The following MTA3 variants were observed in gnomAD, a reference collection of about 807,000 sequenced individuals.
The protein encoded by MTA3 is metastasis associated 1 family member 3, also known as metastasis-associated protein MTA3.
In MTA3, 34 loss-of-function variants were observed where a neutral mutation model predicts 83.5. The ratio of observed to expected loss-of-function variants is 0.41; its 90% CI spans 0.31 to 0.54. The LOEUF is 0.54. Ranked by LOEUF, MTA3 falls within the 20% of genes least tolerant of loss-of-function variation. MTA3 has a pLI of 0.33. For missense variants in MTA3, 761 were observed against 726.4 expected, an observed-to-expected ratio of 1.05 and a Z score of -0.55; for synonymous variants, 303 against 252.7, an observed-to-expected ratio of 1.20 and a Z score of -1.89.
intron 4 of MTA3, among the ~76,000 whole-genome samples, chr2:42,623,265 C>A (rs187588792): frequency 6.6e-6 from 1 of 152,264 alleles, no homozygotes; most frequent in African/African-American, 2.4e-5. Flanking sequence ...TGCAGGTGGT[C>A]CAAGGAACTG....
chr2:42,713,537 C>T (rs529684781), intron 14 of MTA3, among the ~76,000 whole-genome samples: 1 of 152,104 alleles, frequency 6.6e-6, no homozygotes, highest in East Asian at 1.9e-4. Context: ...TCTAAAGGTA[C>T]AAAAGTGGTT....
At chr2:42,583,917 C>T (rs1021320217) in intron 3 of MTA3, among the ~76,000 whole-genome samples, 1 of 151,696 alleles carries the variant, frequency 6.6e-6, no homozygotes, top group Non-Finnish European at 1.5e-5. Flanking sequence ...GATCTCAGCT[C>T]AACGTAACCT....
At chr2:42,718,378 G>C (rs1002970617) in intron 14 of MTA3, among the ~76,000 whole-genome samples, 1 of 151,792 alleles carries the variant, frequency 6.6e-6, no homozygotes, top group Non-Finnish European at 1.5e-5. Flanking sequence ...CTCCCGAGTA[G>C]CTGGGATTAC....
chr2:42,529,987 A>C (rs1572931580), intron 2 of MTA3, among the ~76,000 whole-genome samples: 1 of 151,808 alleles, frequency 6.6e-6, no homozygotes, highest in African/African-American at 2.4e-5. Flanking sequence ...GGAGTTCGAG[A>C]CCAGCCTGGC....
In MTA3 at chr2:42,756,736, A is replaced by G. The variant is rs1396329841; in HGVS notation, c.*3337A>G. 2.0e-6 allele frequency: 2 copies of G among 985,270 alleles called. No individual in the cohort carries two copies. The allele number at this position is 985,270 out of a possible 1,614,324, so 61.0% of individuals were successfully genotyped here. A position where few individuals can be genotyped will look rare whatever the true frequency, so the allele number is the denominator to read the frequency against. ...ATTCCCCCCAGGAAGGCCATGTCCC[A>G]GTTTTCTGTCCACCCCTCCTGTTCC... On this transcript the variant is annotated 3_prime_UTR_variant, in exon 17 of 17. Transcript: ENST00000405094.
intron 2 of MTA3, among the ~76,000 whole-genome samples, chr2:42,563,316 G>A (rs546420282): frequency 9.2e-5 from 14 of 151,902 alleles, no homozygotes; most frequent in East Asian, 1.9e-4. Context: ...TTACAGGCGC[G>A]CGCCACCATG....
At chr2:42,561,301 C>G (rs6719081) in intron 2 of MTA3, among the ~76,000 whole-genome samples, 1,833 of 151,938 alleles carry the variant, frequency 0.012, 31 homozygotes, top group African/African-American at 0.041. Flanking sequence ...TCATTCTATA[C>G]TAGCATATCT....
intron 2 of MTA3, among the ~76,000 whole-genome samples, chr2:42,555,562 C>T (rs1677343310): frequency 6.8e-6 from 1 of 146,650 alleles, no homozygotes; most frequent in Non-Finnish European, 1.5e-5. Flanking sequence ...AGATCGAGAC[C>T]ATCCTGGCTA....
At chr2:42,576,638 C>T (rs1236252035) in intron 2 of MTA3, among the ~76,000 whole-genome samples, 5 of 152,102 alleles carry the variant, frequency 3.3e-5, no homozygotes, top group Non-Finnish European at 7.3e-5. Flanking sequence ...TGGTGGCTCA[C>T]GCCTGTAATC....
intron 12 of MTA3, 21 bp from the exon 13 acceptor site, chr2:42,707,882 C>A (rs576785551): frequency 6.7e-7 from 1 of 1,489,292 alleles, no homozygotes; most frequent in Non-Finnish European, 8.9e-7. Context: ...TTCGTTTTTT[C>A]TTATTTTTCT....
At chr2:42,495,838 A>G (rs897827457) in intron 2 of MTA3, among the ~76,000 whole-genome samples, 5 of 152,140 alleles carry the variant, frequency 3.3e-5, no homozygotes, top group Non-Finnish European at 7.4e-5. Flanking sequence ...GGGATCCCCA[A>G]CCCCGTGTCT....
intron 6 of MTA3, 77 bp from the exon 7 acceptor site, chr2:42,656,123 G>A (rs377149638): frequency 9.2e-7 from 1 of 1,083,880 alleles, no homozygotes; most frequent in Non-Finnish European, 1.4e-6. Flanking sequence ...CTAATGCTAT[G>A]GTGACAGTTG....
intron 1 of MTA3, chr2:42,569,453 C>G (rs1678221021): frequency 6.6e-6 from 1 of 152,012 alleles, no homozygotes; most frequent in Non-Finnish European, 1.5e-5. Context: ...CAAACTTTCT[C>G]CCTACTCACG....
chr2:42,623,477 G>T (rs993113340), intron 4 of MTA3, among the ~76,000 whole-genome samples: 4 of 152,160 alleles, frequency 2.6e-5, no homozygotes, highest in African/African-American at 9.7e-5. Context: ...CAGTCCTCTA[G>T]AGGCAGTGCT....
At chr2:42,750,879 G>C (rs1038415985) in intron 16 of MTA3, among the ~76,000 whole-genome samples, 1 of 152,218 alleles carries the variant, frequency 6.6e-6, no homozygotes, top group African/African-American at 2.4e-5. Flanking sequence ...TTGGGATCCA[G>C]CTGCTTCTCA....
chr2:42,667,450 CTA>C (rs1162649259), intron 8 of MTA3, among the ~76,000 whole-genome samples: 4 of 152,078 alleles, frequency 2.6e-5, no homozygotes, highest in African/African-American at 9.7e-5. Context: ...ACTTTTGTCT[CTA>C]TGAATTTGAC....
chr2:42,649,757 A>G (rs1339098230), intron 6 of MTA3, among the ~76,000 whole-genome samples: 2 of 152,216 alleles, frequency 1.3e-5, no homozygotes, highest in African/African-American at 4.8e-5. Context: ...TTTGAGTTAC[A>G]GATGAAGAGA....
chr2:42,534,332 C>G (rs932291055), intron 2 of MTA3, among the ~76,000 whole-genome samples: 1 of 152,190 alleles, frequency 6.6e-6, no homozygotes, highest in Non-Finnish European at 1.5e-5. Flanking sequence ...TGCCGTGGCT[C>G]AAGCCTATAA....
chr2:42,633,179 T>C (rs1041054982), intron 4 of MTA3, among the ~76,000 whole-genome samples: 9 of 151,250 alleles, frequency 6.0e-5, no homozygotes, highest in African/African-American at 2.2e-4. Context: ...AGGAGAATCG[T>C]TTGAACCTGG....
Sources: allele counts gnomAD v4.1 joint callset (sites outside exome capture counted in the v4.1 genomes callset), GRCh38; gene constraint gnomAD v4.1.1; transcripts MANE v1.5; gene names NCBI Gene and HGNC (gene_info 2026-07-23, HGNC 2026-07-21).